Variants in TRPM5 observed in about 807,000 individuals in gnomAD.
The protein encoded by TRPM5 is MLSN1 and TRP-related.
TRPM5 carries 121 observed loss-of-function variants against 124.9 expected under a neutral mutation model. That is an observed-to-expected ratio of 0.97 (90% confidence interval 0.84 to 1.13). The LOEUF is 1.13. Ranked by LOEUF, TRPM5 falls within the 50% of genes most tolerant of loss-of-function variation. The pLI is 0.00. For missense variants in TRPM5, 1,643 were observed against 1,589.1 expected (o/e 1.03, Z -0.58); for synonymous variants, 781 against 700.5 (o/e 1.11, Z -1.81).
At chr11:2,414,691 C>A in intron 11 of TRPM5, 24 bp downstream of exon 16, 1 of 1,523,066 alleles carries the variant, frequency 6.6e-7, no homozygotes, top group Non-Finnish European at 8.8e-7. Flanking sequence ...CGCGCGGGCC[C>A]GGCCCCAGCC....
chr11:2,430,746 TTGGTGGTGGTGGTTTTGGTGGTGG>T, the TRPM5 span, among the ~76,000 whole-genome samples: 9 of 103,422 alleles, frequency 8.7e-5, no homozygotes, highest in African/African-American at 3.3e-4. Context: ...GGTGATGGTG[TTGGTGGTGGTGGTTTTGGTGGTGG>T]TGATGGTGGT....
At chr11:2,413,587 G>A in exon 13 of TRPM5, 1 of 1,612,000 alleles carries the variant, frequency 6.2e-7, no homozygotes, top group South Asian at 1.1e-5. Context: ...GGTCAGGAAG[G>A]CCTGAGGTGA....
At position 2,422,010 on chromosome 11, in the gene TRPM5, G is replaced by A. The variant is rs1005897; in HGVS notation, c.298+131C>T. 10 of 606,964 alleles carry A rather than the reference G, an allele frequency of 1.6e-5. No individual in the cohort carries two copies. The Admixed American group carries it at 2.1e-4, about 13-fold the overall frequency. The allele number at this position is 606,964 out of a possible 1,614,324, so 37.6% of individuals were successfully genotyped here. On this transcript the variant is annotated intron_variant, in intron 2 of 23. Transcript: ENST00000155858. The stretch of plus-strand genomic sequence containing the variant: ...GGGGTGGGAGCATTGCCTGTGCCGG[G>A]TGGGGGGACAGTCAGGGGGTCTGGC...
upstream of TRPM5, among the ~76,000 whole-genome samples, chr11:2,426,854 C>T (rs1338560044): frequency 6.6e-6 from 1 of 152,206 alleles, no homozygotes; most frequent in East Asian, 1.9e-4. Flanking sequence ...TATGAGGATG[C>T]CCCATCTCCC....
At chr11:2,443,225 C>T in the TRPM5 span, among the ~76,000 whole-genome samples, 2 of 152,188 alleles carry the variant, frequency 1.3e-5, no homozygotes, top group African/African-American at 4.8e-5. The surrounding 1 kb of genome is among the most constrained non-coding windows in gnomAD (Gnocchi z 5.0). Flanking sequence ...GTGAGATGGA[C>T]CCAAGGTATG....
chr11:2,415,751 G>T (rs1845661046), intron 8 of TRPM5, among the ~76,000 whole-genome samples, 155 bp downstream of exon 13: 1 of 152,246 alleles, frequency 6.6e-6, no homozygotes, highest in African/African-American at 2.4e-5. Flanking sequence ...CGAGGCAGAA[G>T]CCCGGGCAGA....
At chr11:2,444,108 C>G in the TRPM5 span, among the ~76,000 whole-genome samples, 4,499 of 152,240 alleles carry the variant, frequency 0.03, 95 homozygotes, top group Non-Finnish European at 0.047. Context: ...CCCCCACCCC[C>G]CAGCAGCCCT....
At chr11:2,422,304 G>T (rs148612502) in exon 2 of TRPM5, 616 of 1,610,916 alleles carry the variant, frequency 3.8e-4, no homozygotes, top group Non-Finnish European at 4.7e-4. Flanking sequence ...GGGCCACTCC[G>T]CTCGGCACCC....
chr11:2,407,992 G>T, intron 18 of TRPM5, 80 bp from the exon 24 acceptor site: 1 of 1,544,242 alleles, frequency 6.5e-7, no homozygotes, highest in South Asian at 1.2e-5. Context: ...GAGATAGAGC[G>T]CTGAGTCCTG....
chr11:2,407,488 C>T (rs1257439613), intron 19 of TRPM5, among the ~76,000 whole-genome samples, 188 bp from the exon 25 acceptor site: 2 of 152,204 alleles, frequency 1.3e-5, no homozygotes, highest in Non-Finnish European at 2.9e-5. Flanking sequence ...CCACTCTGCT[C>T]TCCTGGACAA....
chr11:2,405,696 CTG>C (rs1850304675), intron 22 of TRPM5, 103 bp from the exon 28 acceptor site: 2 of 1,264,724 alleles, frequency 1.6e-6, no homozygotes, highest in Non-Finnish European at 2.2e-6. Context: ...CCCCGCTGCC[CTG>C]TGACTCCTCC....
intron 18 of TRPM5, 41 bp downstream of exon 23, chr11:2,411,311 C>T (rs1389887132): frequency 2.7e-6 from 4 of 1,507,468 alleles, no homozygotes; most frequent in Non-Finnish European, 3.6e-6. Context: ...CACAGGGCTC[C>T]AATTTCTCCC....
chr11:2,434,443 CTGTG>C, the TRPM5 span, among the ~76,000 whole-genome samples: 10 of 131,336 alleles, frequency 7.6e-5, no homozygotes, highest in South Asian at 1.0e-3. Context: ...GTGTGTCCGG[CTGTG>C]TGTGTGTGTG....
chr11:2,425,479 C>T (rs1056185071), upstream of TRPM5, among the ~76,000 whole-genome samples: 1 of 152,220 alleles, frequency 6.6e-6, no homozygotes, highest in African/African-American at 2.4e-5. Context: ...TCATGGTGCG[C>T]CATCTGCAAG....
At chr11:2,418,020 T>C in intron 6 of TRPM5, 147 bp downstream of exon 11, 1 of 953,804 alleles carries the variant, frequency 1.0e-6, no homozygotes, top group East Asian at 2.7e-5. Flanking sequence ...CTCTGCTCCC[T>C]GTGGGCCTGA....
At chr11:2,413,326 G>A (rs1287335951) in intron 13 of TRPM5, 100 bp from the exon 19 acceptor site, 7 of 1,350,508 alleles carry the variant, frequency 5.2e-6, no homozygotes, top group Non-Finnish European at 7.0e-6. Context: ...GGGATGCAGG[G>A]GCTGTGGGGA....
At chr11:2,414,815 T>C in exon 11 of TRPM5, 1 of 1,585,496 alleles carries the variant, frequency 6.3e-7, no homozygotes, top group South Asian at 1.1e-5. Context: ...AGGCGGCCAG[T>C]GCGGCTGCCA....
At chr11:2,415,328 G>T in exon 9 of TRPM5, 1 of 1,585,254 alleles carries the variant, frequency 6.3e-7, no homozygotes, top group Non-Finnish European at 8.5e-7. Context: ...GCAGGCTCTT[G>T]CGTGACACGG....
At chr11:2,405,145 T>C in intron 23 of TRPM5, 102 bp from the exon 29 acceptor site, 1 of 959,530 alleles carries the variant, frequency 1.0e-6, no homozygotes, top group Non-Finnish European at 1.6e-6. Flanking sequence ...ACGCCGTGGC[T>C]CTCAGAGTGA....
Sources: allele counts gnomAD v4.1 joint callset (sites outside exome capture counted in the v4.1 genomes callset), GRCh38; gene constraint gnomAD v4.1.1; non-coding constraint Gnocchi (gnomAD v3.1); transcripts MANE v1.5; gene names NCBI Gene and HGNC (gene_info 2026-07-23, HGNC 2026-07-21).